The following PIWIL2 variants were observed in gnomAD, a reference collection of about 807,000 sequenced individuals.
PIWIL2 encodes piwi-like protein 2.
Under a neutral mutation model 116.5 loss-of-function variants are expected in PIWIL2, and 81 were observed. That is an observed-to-expected ratio of 0.70 (90% CI 0.58 to 0.84). The LOEUF (loss-of-function observed/expected upper bound fraction) is 0.84, where lower values mean the gene tolerates loss of function less well. Ranked by LOEUF, PIWIL2 falls within the 40% of genes least tolerant of loss-of-function variation. PIWIL2 has a pLI of 0.00. For synonymous variants in PIWIL2, 489 were observed against 429.5 expected (o/e 1.14, Z -1.71); for missense variants, 1,272 against 1,212.3 (o/e 1.05, Z -0.73).
At chr8:22,345,643 GACAGAGCAAGACTCTGTCT>G (rs1260108018) in intron 20 of PIWIL2, among the ~76,000 whole-genome samples, 1 of 151,996 alleles carries the variant, frequency 6.6e-6, no homozygotes, top group South Asian at 2.1e-4. Flanking sequence ...CAGCCTGGGT[GACAGAGCAAGACTCTGTCT>G]CAAAAATATA....
At chr8:22,335,543 CTTTTT>C (rs59166171) in intron 20 of PIWIL2, among the ~76,000 whole-genome samples, 3 of 92,218 alleles carry the variant, frequency 3.3e-5, no homozygotes, top group African/African-American at 3.8e-5. Context: ...ACAAAATAGA[CTTTTT>C]TTTTTTTTTT....
Position 22,351,146 on chromosome 8 carries a change from G to A in PIWIL2, c.2404-1813G>A, listed in dbSNP as rs188907232. Among the ~76,000 whole-genome samples the A allele has an allele frequency of 9.0e-3, 1,361 of 151,156 alleles. 7 individuals carry two copies. The highest frequency in any genetic ancestry group is 0.014 in the Non-Finnish European group (918 of 67,792). ...AGCCTGGGCAACAGAGCGAGACTCT[G>A]TTTCAAAAAAAAATAATTAATTAAT... On this transcript the variant is annotated intron_variant, in intron 20 of 22. Coordinates refer to ENST00000356766, the MANE Select transcript of PIWIL2 (RefSeq NM_018068.5).
intron 12 of PIWIL2, 102 bp downstream of exon 12, chr8:22,304,970 C>G: frequency 2.6e-6 from 2 of 779,950 alleles, no homozygotes; most frequent in Non-Finnish European, 4.5e-6. Flanking sequence ...GAGTAGCAAT[C>G]GTAGTGTAGT....
chr8:22,307,079 A>G (rs1285720898), intron 13 of PIWIL2, among the ~76,000 whole-genome samples: 1 of 152,258 alleles, frequency 6.6e-6, no homozygotes, highest in African/African-American at 2.4e-5. Context: ...AATGACTAGT[A>G]TGCTATGGCA....
intron 20 of PIWIL2, among the ~76,000 whole-genome samples, chr8:22,350,172 C>G (rs749236349): frequency 2.0e-5 from 3 of 152,092 alleles, no homozygotes; most frequent in Non-Finnish European, 2.9e-5. Flanking sequence ...GTTGGGAAAC[C>G]TTGGGTTGGG....
intron 16 of PIWIL2, among the ~76,000 whole-genome samples, chr8:22,313,667 G>T (rs1196511670): frequency 6.6e-6 from 1 of 152,164 alleles, no homozygotes; most frequent in Admixed American, 6.5e-5. Flanking sequence ...TGGCTTAAAG[G>T]GTTGGCAACC....
At chr8:22,340,291 G>A (rs769887014) in intron 20 of PIWIL2, among the ~76,000 whole-genome samples, 20 of 151,864 alleles carry the variant, frequency 1.3e-4, no homozygotes, top group Non-Finnish European at 2.9e-5. Context: ...TCCCGACCTC[G>A]GGTGATCTGC....
At position 22,311,211 on chromosome 8, in the gene PIWIL2, A is replaced by G. The variant is rs1298395636; in HGVS notation, c.1900A>G (p.Met634Val). 6.2e-7 allele frequency: 1 copy of G among 1,614,228 alleles called. No homozygotes were observed. Among genetic ancestry groups the G allele is most frequent in the Admixed American group, 1.7e-5 (1 of 60,030 alleles). Residue 634 changes from methionine to valine, a missense_variant, in exon 16 of 23, where the codon ATG (methionine) becomes GTG (valine). Transcript: ENST00000356766. ...GGAGAAGATAGCCGGCCCCATTGGC[A>G]TGCGTATGAGCCCACCGGCCTGGGT... ...MLEKIAGPIG[M>V]RMSPPAWVEL...
chr8:22,346,873 C>A (rs1216861312), intron 20 of PIWIL2, among the ~76,000 whole-genome samples: 1 of 151,728 alleles, frequency 6.6e-6, no homozygotes, highest in African/African-American at 2.4e-5. Context: ...ATAGCAAGAT[C>A]CATCTCTAAG....
In PIWIL2 at chr8:22,357,510, C is replaced by T. The variant is rs1329135212; in HGVS notation, c.*2005C>T. ...TTCTTGGTTTTCTTGCCTCGTTTTT[C>T]GGTTTTAATGCCAAATGATTGGGTC... On this transcript the variant is annotated 3_prime_UTR_variant, in exon 23 of 23. Transcript: ENST00000356766. 6 of 151,956 alleles carry T rather than the reference C, an allele frequency of 3.9e-5. No individual in the cohort carries two copies. Among genetic ancestry groups the T allele is most frequent in the Non-Finnish European group, 8.8e-5 (6 of 67,998 alleles). The allele number at this position is 151,956 out of a possible 1,614,324, so 9.4% of individuals were successfully genotyped here. A position where few individuals can be genotyped will look rare whatever the true frequency, so the allele number is the denominator to read the frequency against.
chr8:22,353,628 A>T (rs1311723289), intron 21 of PIWIL2, among the ~76,000 whole-genome samples: 2 of 152,014 alleles, frequency 1.3e-5, no homozygotes, highest in Non-Finnish European at 2.9e-5. Flanking sequence ...ACAGAGAGAG[A>T]CTCTGTCTCA....
intron 10 of PIWIL2, among the ~76,000 whole-genome samples, chr8:22,295,366 A>T (rs139822008): frequency 6.6e-6 from 1 of 151,116 alleles, no homozygotes; most frequent in African/African-American, 2.4e-5. Flanking sequence ...GTAATTTTAT[A>T]TGTACTTACC....
intron 12 of PIWIL2, among the ~76,000 whole-genome samples, chr8:22,305,444 G>A (rs966923772): frequency 5.3e-4 from 80 of 152,034 alleles, no homozygotes; most frequent in African/African-American, 1.5e-3. Context: ...TGCCCGCCTC[G>A]GCCTCCTAAA....
At chr8:22,308,385 G>C (rs942960114) in intron 14 of PIWIL2, among the ~76,000 whole-genome samples, 1 of 152,050 alleles carries the variant, frequency 6.6e-6, no homozygotes, top group African/African-American at 2.4e-5. Context: ...AGGCGTGGTG[G>C]CTCACGCCTG....
chr8:22,348,800 A>T (rs1231801873), intron 20 of PIWIL2, among the ~76,000 whole-genome samples: 1 of 152,192 alleles, frequency 6.6e-6, no homozygotes, highest in Non-Finnish European at 1.5e-5. Flanking sequence ...GATTTGTCCT[A>T]TATTCTGACT....
Position 22,290,239 on chromosome 8 carries a change from G to A in PIWIL2, c.1074G>A (p.Gln358=), listed in dbSNP as rs753128339. The change falls in exon 10 of 23, where the codon CAG becomes CAA. Residue 358 remains glutamine (Q), a synonymous_variant. Transcript: ENST00000356766. Reference sequence around the variant, plus strand: ...AGACCACCTCTCTCTCCAGATTGCAGATCTGGCCAGGCTATGCAGCTAGCA... The same window carrying A: ...AGACCACCTCTCTCTCCAGATTGCAAATCTGGCCAGGCTATGCAGCTAGCA... ...SAMVLQQHRL[Q]IWPGYAASIR... 6.3e-7 allele frequency: 1 copy of A among 1,594,944 alleles called. No individual in the cohort carries two copies. The highest frequency in any genetic ancestry group is 2.2e-5 in the East Asian group (1 of 44,462).
At chr8:22,319,712 C>G (rs945414899) in intron 20 of PIWIL2, among the ~76,000 whole-genome samples, 1 of 152,204 alleles carries the variant, frequency 6.6e-6, no homozygotes, top group South Asian at 2.1e-4. Flanking sequence ...CACATGGGCT[C>G]TTTGGGCCTC....
At chr8:22,344,041 G>C (rs1832170127) in intron 20 of PIWIL2, among the ~76,000 whole-genome samples, 1 of 152,150 alleles carries the variant, frequency 6.6e-6, no homozygotes, top group African/African-American at 2.4e-5. Flanking sequence ...ATGGAATATT[G>C]TGTTAAAAGA....
At chr8:22,309,352 T>G (rs1440527301) in intron 14 of PIWIL2, among the ~76,000 whole-genome samples, 1 of 152,186 alleles carries the variant, frequency 6.6e-6, no homozygotes, top group African/African-American at 2.4e-5. Flanking sequence ...TTTAAAAAAG[T>G]TTTTTTGAGA....
Sources: gnomAD v4.1 joint callset for allele counts (sites outside exome capture counted in the v4.1 genomes callset) on GRCh38, gnomAD v4.1.1 for gene constraint, MANE v1.5 for transcripts, NCBI Gene and HGNC (gene_info 2026-07-23, HGNC 2026-07-21) for gene names.